The following RBL1 variants were observed in gnomAD, a reference collection of about 807,000 sequenced individuals.
The protein encoded by RBL1 is RB transcriptional corepressor like 1, also known as retinoblastoma-like protein 1.
A neutral mutation model predicts 123.0 loss-of-function variants in RBL1; 82 were observed. The observed-to-expected ratio is 0.67, with a 90% CI of 0.56 to 0.80. The LOEUF is 0.80. Ranked by LOEUF, RBL1 falls within the 30% of genes least tolerant of loss-of-function variation. The probability of loss-of-function intolerance (pLI) is 0.00; values close to 1 mark genes in which losing one functional copy is unlikely to be tolerated. For synonymous variants in RBL1, 405 were observed against 441.3 expected (o/e 0.92, Z 1.03); for missense variants, 1,171 against 1,299.6 (o/e 0.90, Z 1.52).
chr20:37,088,692 T>TAA (rs560040564), intron 2 of RBL1, among the ~76,000 whole-genome samples: 5 of 143,188 alleles, frequency 3.5e-5, no homozygotes, highest in Non-Finnish European at 6.1e-5. Context: ...CCATCTCTAC[T>TAA]AAAAAAAAAA....
chr20:37,086,397 G>A (rs2146332585), intron 2 of RBL1, among the ~76,000 whole-genome samples: 1 of 151,986 alleles, frequency 6.6e-6, no homozygotes, highest in Admixed American at 6.6e-5. Context: ...AACCATCCTG[G>A]CCAACATGGT....
At chr20:37,031,114 A>G (rs904600717) in intron 16 of RBL1, among the ~76,000 whole-genome samples, 3 of 152,160 alleles carry the variant, frequency 2.0e-5, no homozygotes, top group Non-Finnish European at 4.4e-5. Flanking sequence ...ACATAGGGGA[A>G]AAGTTTTATA....
At chr20:37,094,838 G>T (rs1454906115) in intron 1 of RBL1, among the ~76,000 whole-genome samples, 2 of 152,234 alleles carry the variant, frequency 1.3e-5, no homozygotes, top group East Asian at 3.9e-4. Context: ...GGGTTTCGCC[G>T]TGTTGCCCAG....
intron 1 of RBL1, among the ~76,000 whole-genome samples, chr20:37,089,768 C>T (rs1232205707): frequency 6.6e-6 from 1 of 152,114 alleles, no homozygotes; most frequent in African/African-American, 2.4e-5. Context: ...ATGGTGGTCA[C>T]TTAAGATTAT....
At chr20:37,088,119 G>C (rs1427090424) in intron 2 of RBL1, among the ~76,000 whole-genome samples, 2 of 152,074 alleles carry the variant, frequency 1.3e-5, no homozygotes, top group Non-Finnish European at 2.9e-5. Flanking sequence ...TACAAAATTA[G>C]CCAGGCGTGG....
chr20:37,047,108 C>A lies in RBL1; in HGVS notation c.1550G>T (p.Arg517Leu). 1.2e-6 allele frequency: 2 copies of A among 1,604,122 alleles called. No homozygotes were observed. The highest frequency in any genetic ancestry group is 1.1e-5 in the South Asian group (1 of 88,530). The change falls in exon 12 of 22, where the codon CGT becomes CTT. Residue 517 changes from arginine (R) to leucine (L), a missense_variant. Arg to Leu is a moderately radical substitution (Grantham distance 102, BLOSUM62 -2). Transcript: ENST00000373664. ...AACTTCAATAATCCAAGGAAAAGTACGAGGTGAGCTATAGGCAAAGAGCAC... is the reference window on the plus strand; with the variant it reads ...AACTTCAATAATCCAAGGAAAAGTAAGAGGTGAGCTATAGGCAAAGAGCAC... ...EIVLFAYSSP[R>L]TFPWIIEVLN...
chr20:37,049,555 T>C (rs771250308), intron 11 of RBL1: 128 of 756,414 alleles, frequency 1.7e-4, no homozygotes, highest in South Asian at 5.8e-4. Context: ...CCTGAAATAT[T>C]ATAAGGTAGA....
At chr20:37,011,032 C>A (rs563314475) in intron 19 of RBL1, among the ~76,000 whole-genome samples, 43 of 152,004 alleles carry the variant, frequency 2.8e-4, no homozygotes, top group Non-Finnish European at 5.7e-4. Flanking sequence ...GTTGCTCATG[C>A]TGGTCTTTAA....
intron 11 of RBL1, among the ~76,000 whole-genome samples, chr20:37,049,017 C>G (rs1727355447): frequency 6.6e-6 from 1 of 151,208 alleles, no homozygotes; most frequent in Admixed American, 6.6e-5. Context: ...GCTTGGCCAA[C>G]ATGGTGAAAC....
At chr20:37,000,985 C>A (rs1245462582) in intron 21 of RBL1, among the ~76,000 whole-genome samples, 24 of 139,160 alleles carry the variant, frequency 1.7e-4, no homozygotes, top group African/African-American at 6.5e-4. Context: ...AAGAGAGGAG[C>A]CCCTCTGCCT....
chr20:37,047,635 A>G (rs971161928), intron 11 of RBL1, among the ~76,000 whole-genome samples: 2 of 152,212 alleles, frequency 1.3e-5, no homozygotes, highest in Non-Finnish European at 2.9e-5. Flanking sequence ...TAAGTTTAAT[A>G]TAAGTTTTCA....
intron 19 of RBL1, among the ~76,000 whole-genome samples, chr20:37,008,812 C>T (rs1395187842): frequency 7.1e-6 from 1 of 141,098 alleles, no homozygotes; most frequent in African/African-American, 2.6e-5. Flanking sequence ...TTCACTTCTG[C>T]TATTTCTAAA....
intron 1 of RBL1, among the ~76,000 whole-genome samples, chr20:37,093,994 G>A (rs2065689754): frequency 6.6e-6 from 1 of 152,132 alleles, no homozygotes; most frequent in Non-Finnish European, 1.5e-5. Context: ...AATAAGTAGA[G>A]CAAACATTGA....
At chr20:37,073,450 C>T (rs2065312270) in intron 2 of RBL1, among the ~76,000 whole-genome samples, 1 of 152,048 alleles carries the variant, frequency 6.6e-6, no homozygotes, top group South Asian at 2.1e-4. Context: ...GTAATCCCAG[C>T]ACTTTGGGTG....
intron 18 of RBL1, 24 bp downstream of exon 18, chr20:37,020,635 A>T: frequency 6.8e-7 from 1 of 1,468,660 alleles, no homozygotes; most frequent in Non-Finnish European, 9.3e-7. Flanking sequence ...ATTTTTGGAC[A>T]GTAGGAAAAA....
chr20:37,002,680 C>T (rs1052748450), intron 21 of RBL1, among the ~76,000 whole-genome samples: 3 of 151,178 alleles, frequency 2.0e-5, no homozygotes, highest in Non-Finnish European at 4.4e-5. Flanking sequence ...TTTAAAGCTC[C>T]CTACAGTTTG....
intron 12 of RBL1, 47 bp downstream of exon 12, chr20:37,047,006 G>C: frequency 6.5e-7 from 1 of 1,532,328 alleles, no homozygotes; most frequent in Non-Finnish European, 8.7e-7. Context: ...ATGTTTCTGT[G>C]AGAAACACTG....
chr20:37,010,760 A>ATGTGTGTGTGTGTG (rs374094594), intron 19 of RBL1, among the ~76,000 whole-genome samples: 1 of 143,000 alleles, frequency 7.0e-6, no homozygotes, highest in African/African-American at 2.8e-5. Context: ...GCACATGACT[A>ATGTGTGTGTGTGTG]TGTGTGTGTG....
chr20:37,016,834 T>G (rs1400703165), intron 19 of RBL1, among the ~76,000 whole-genome samples: 2 of 150,900 alleles, frequency 1.3e-5, no homozygotes, highest in Non-Finnish European at 2.9e-5. Flanking sequence ...CAGTGAGCCA[T>G]GATTGTGCCA....
Sources: gnomAD v4.1 joint callset for allele counts (sites outside exome capture counted in the v4.1 genomes callset) on GRCh38, gnomAD v4.1.1 for gene constraint, MANE v1.5 for transcripts, NCBI Gene and HGNC (gene_info 2026-07-23, HGNC 2026-07-21) for gene names.